The following GRK7 variants were observed in gnomAD, a reference collection of about 807,000 sequenced individuals.
GRK7 encodes the protein G protein-coupled receptor kinase 7.
In GRK7, 24 loss-of-function variants were observed where a neutral mutation model predicts 34.1. That is an observed-to-expected ratio of 0.70 (90% CI 0.51 to 0.99). The LOEUF (loss-of-function observed/expected upper bound fraction) is 0.99, where lower values mean the gene tolerates loss of function less well. Ranked by LOEUF, GRK7 falls within the 50% of genes least tolerant of loss-of-function variation. The probability of loss-of-function intolerance (pLI) is 0.00; values close to 1 mark genes in which losing one functional copy is unlikely to be tolerated. For synonymous variants in GRK7, 256 were observed against 279.4 expected (o/e 0.92, Z 0.84); for missense variants, 644 against 707.3 (o/e 0.91, Z 1.02).
chr3:141,773,904 CAG>C (rs1436521705), intron 1 of GRK7, among the ~76,000 whole-genome samples: 1 of 152,142 alleles, frequency 6.6e-6, no homozygotes, highest in Non-Finnish European at 1.5e-5. Context: ...AGCCAGGATT[CAG>C]ATTTCCCAAG....
rs1444036995 is a variant in GRK7 at position 141,817,749 on chromosome 3, CA to C, written c.*700del. ...TACAAATTGCTTCAACTTGCACTACCATATGCCATCGGTTCCCAAACTCTGC... is the reference window on the plus strand; with the variant it reads ...TACAAATTGCTTCAACTTGCACTACCTATGCCATCGGTTCCCAAACTCTGC... On this transcript the variant is annotated 3_prime_UTR_variant, in exon 6 of 6. Coordinates refer to ENST00000682958, the MANE Select transcript of GRK7 (RefSeq NM_139209.3). 16 of 152,316 alleles carry C rather than the reference CA, an allele frequency of 1.1e-4. No homozygotes were observed. Among genetic ancestry groups the C allele is most frequent in the Admixed American group, 5.9e-4 (9 of 15,306 alleles). The allele number at this position is 152,316 out of a possible 1,614,324, so 9.4% of individuals were successfully genotyped here.
rs1577931161 is a variant in GRK7 at position 141,818,098 on chromosome 3, G to A, written c.*1048G>A. 1 of 152,134 alleles carries A rather than the reference G, an allele frequency of 6.6e-6. No individual in the cohort carries two copies. Among genetic ancestry groups the A allele is most frequent in the Non-Finnish European group, 1.5e-5 (1 of 68,030 alleles). The allele number at this position is 152,134 out of a possible 1,614,324, so 9.4% of individuals were successfully genotyped here. On this transcript the variant is annotated 3_prime_UTR_variant, in exon 6 of 6. Coordinates refer to ENST00000682958, the MANE Select transcript of GRK7 (RefSeq NM_139209.3). ...GTCTATTCATCTTATGGCTTCTCTTGTCCTTGCACACTTTAGTTTCTCACA... is the reference window on the plus strand; with the variant it reads ...GTCTATTCATCTTATGGCTTCTCTTATCCTTGCACACTTTAGTTTCTCACA...
chr3:141,799,655 G>C (rs79529727), intron 4 of GRK7, among the ~76,000 whole-genome samples: 10,470 of 151,836 alleles, frequency 0.069, 456 homozygotes, highest in African/African-American at 0.14. Flanking sequence ...TCTTAGGTTG[G>C]TGATCTTAGG....
chr3:141,770,417 A>G (rs2084611526), intron 1 of GRK7, among the ~76,000 whole-genome samples: 1 of 152,196 alleles, frequency 6.6e-6, no homozygotes, highest in Admixed American at 6.5e-5. Context: ...CTAGATTTCA[A>G]CTAGGAGCCA....
chr3:141,812,009 C>A (rs749203379), intron 5 of GRK7, among the ~76,000 whole-genome samples: 5 of 152,176 alleles, frequency 3.3e-5, no homozygotes, highest in African/African-American at 7.2e-5. Flanking sequence ...TTATTCTGAT[C>A]AGGCAGTGCA....
At chr3:141,775,082 G>C (rs1192256436) in intron 2 of GRK7, among the ~76,000 whole-genome samples, 1 of 152,148 alleles carries the variant, frequency 6.6e-6, no homozygotes, top group Non-Finnish European at 1.5e-5. Flanking sequence ...AGGAGCCACT[G>C]CACCCAGCCA....
chr3:141,776,282 G>T (rs924193228), intron 2 of GRK7, among the ~76,000 whole-genome samples: 1 of 57,858 alleles, frequency 1.7e-5, no homozygotes, highest in African/African-American at 1.2e-4. Flanking sequence ...GCGAGACTCC[G>T]TCTCAAAATA....
At chr3:141,789,550 C>G (rs1323271839) in intron 4 of GRK7, among the ~76,000 whole-genome samples, 1 of 151,974 alleles carries the variant, frequency 6.6e-6, no homozygotes, top group Non-Finnish European at 1.5e-5. Flanking sequence ...GTCCCAGGAG[C>G]CAGAGGAAGG....
chr3:141,777,630 T>C (rs1470339650), intron 2 of GRK7, among the ~76,000 whole-genome samples: 1 of 151,472 alleles, frequency 6.6e-6, no homozygotes, highest in East Asian at 1.9e-4. Context: ...CACAGACTCC[T>C]CAGAGCTAAG....
the GRK7 span, among the ~76,000 whole-genome samples, chr3:141,751,247 G>T: frequency 6.6e-6 from 1 of 152,048 alleles, no homozygotes; most frequent in Non-Finnish European, 1.5e-5. Flanking sequence ...ATTAACCTCT[G>T]CCATACTAAC....
Position 141,765,613 on chromosome 3 carries a change from G to C in GRK7, c.-340G>C, listed in dbSNP as rs1330814387. On this transcript the variant is annotated 5_prime_UTR_variant, in exon 1 of 6. Transcript: ENST00000682958. The stretch of plus-strand genomic sequence containing the variant: ...TCACCCTTTTGGAAAACTGCTCTGA[G>C]GCCATCATGCTTTGAGGAAGCCCAG... Among the ~76,000 whole-genome samples the C allele has an allele frequency of 6.6e-6, 1 of 152,048 alleles. No homozygotes were observed. Among genetic ancestry groups the C allele is most frequent in the Non-Finnish European group, 1.5e-5 (1 of 68,016 alleles).
intron 4 of GRK7, among the ~76,000 whole-genome samples, chr3:141,801,869 T>C (rs1048321040): frequency 1.3e-5 from 2 of 152,162 alleles, no homozygotes; most frequent in Non-Finnish European, 2.9e-5. Flanking sequence ...GTTTTGTATA[T>C]ATTTGAAGTT....
intron 4 of GRK7, among the ~76,000 whole-genome samples, chr3:141,805,416 G>T (rs1255089328): frequency 6.6e-6 from 1 of 152,236 alleles, no homozygotes; most frequent in Non-Finnish European, 1.5e-5. Context: ...AGACAAAGAT[G>T]AGTAAGACTG....
At position 141,780,438 on chromosome 3, in the gene GRK7, G is replaced by A. The variant is rs139715496; in HGVS notation, c.677G>A (p.Arg226Gln). 4.9e-5 allele frequency: 79 copies of A among 1,614,072 alleles called. No homozygotes were observed. In the East Asian group the frequency reaches 5.6e-4, roughly 11 times the overall value. The change falls in exon 4 of 6, where the codon CGG becomes CAG. Residue 226 changes from arginine to glutamine, a missense_variant. Transcript: ENST00000682958. Reference protein sequence around the residue: ...MYACKKLDKKRLKKKGGEKMA... With the variant: ...MYACKKLDKKQLKKKGGEKMA... The stretch of plus-strand genomic sequence containing the variant: ...GCCTGTAAGAAACTGGACAAGAAGC[G>A]GCTGAAGAAGAAAGGTGGCGAGAAG...
intron 4 of GRK7, among the ~76,000 whole-genome samples, chr3:141,794,240 G>T (rs1406552407): frequency 6.6e-6 from 1 of 152,176 alleles, no homozygotes; most frequent in Non-Finnish European, 1.5e-5. Flanking sequence ...ATTACAAACA[G>T]CATTAAACCC....
At chr3:141,751,618 G>A in the GRK7 span, among the ~76,000 whole-genome samples, 7,157 of 152,266 alleles carry the variant, frequency 0.047, 149 homozygotes, top group South Asian at 0.083. Flanking sequence ...TGGGGGGTCT[G>A]CCCACTGACA....
intron 2 of GRK7, among the ~76,000 whole-genome samples, chr3:141,776,310 A>G (rs1414793944): frequency 6.6e-6 from 1 of 151,804 alleles, no homozygotes; most frequent in Non-Finnish European, 1.5e-5. Context: ...AAAAAAATAA[A>G]AAATATATAT....
intron 5 of GRK7, among the ~76,000 whole-genome samples, chr3:141,811,917 A>T (rs1017138486): frequency 1.3e-5 from 2 of 152,218 alleles, no homozygotes; most frequent in African/African-American, 4.8e-5. Flanking sequence ...TTTTCTGAGC[A>T]TCTCCAGGGG....
the GRK7 span, among the ~76,000 whole-genome samples, chr3:141,750,921 C>T: frequency 3.3e-5 from 5 of 152,102 alleles, no homozygotes; most frequent in South Asian, 1.0e-3. Flanking sequence ...CCTGCAGTCT[C>T]AGCTATTTGG....
Sources: allele counts gnomAD v4.1 joint callset (sites outside exome capture counted in the v4.1 genomes callset), GRCh38; gene constraint gnomAD v4.1.1; transcripts MANE v1.5; gene names NCBI Gene and HGNC (gene_info 2026-07-23, HGNC 2026-07-21).